Variants in RNF111 observed in about 807,000 individuals in gnomAD.
RNF111 encodes the protein ring finger protein 111.
In RNF111, 17 loss-of-function variants were observed where a neutral mutation model predicts 95.1. That is an observed-to-expected ratio of 0.18 (90% CI 0.12 to 0.27). RNF111 has a LOEUF of 0.27. Ranked by LOEUF, RNF111 falls within the 10% of genes least tolerant of loss-of-function variation. The pLI is 1.00. For missense variants in RNF111, 1,189 were observed against 1,210.4 expected (o/e 0.98, Z 0.26); for synonymous variants, 440 against 414.8 (o/e 1.06, Z -0.74).
At chr15:59,077,627 C>T (rs2078604562) in intron 7 of RNF111, among the ~76,000 whole-genome samples, 1 of 152,156 alleles carries the variant, frequency 6.6e-6, no homozygotes, top group Non-Finnish European at 1.5e-5. Context: ...TTAATACCCC[C>T]ATAATATCCA....
intron 2 of RNF111, among the ~76,000 whole-genome samples, chr15:59,039,001 G>T (rs1330143570): frequency 1.3e-5 from 2 of 152,140 alleles, no homozygotes; most frequent in African/African-American, 4.8e-5. Flanking sequence ...TTTCACTTTT[G>T]TTGCCCAGGC....
intron 1 of RNF111, among the ~76,000 whole-genome samples, chr15:59,004,344 A>G (rs1318241887): frequency 6.6e-6 from 1 of 152,224 alleles, no homozygotes; most frequent in Non-Finnish European, 1.5e-5. Context: ...AGATTGCAAA[A>G]AAGTATATAG....
intron 11 of RNF111, among the ~76,000 whole-genome samples, chr15:59,090,058 A>G (rs909973711): frequency 6.6e-6 from 1 of 152,210 alleles, no homozygotes; most frequent in Admixed American, 6.5e-5. Flanking sequence ...GTGGTGGGGA[A>G]CGGAATGTTT....
chr15:59,069,073 C>CAAAAAA, intron 6 of RNF111, among the ~76,000 whole-genome samples: 1 of 89,516 alleles, frequency 1.1e-5, no homozygotes, highest in Non-Finnish European at 2.3e-5. Context: ...GACTCCGTCT[C>CAAAAAA]AAAAAAAAAA....
intron 1 of RNF111, among the ~76,000 whole-genome samples, chr15:59,005,838 T>C (rs758889706): frequency 1.3e-5 from 2 of 152,240 alleles, no homozygotes; most frequent in African/African-American, 2.4e-5. Flanking sequence ...TGTTACTTTG[T>C]TTAATATTTA....
At position 59,007,237 on chromosome 15, in the gene RNF111, C is replaced by G. The variant is rs531357531; in HGVS notation, c.-20+19169C>G. On this transcript the variant is annotated intron_variant, in intron 1 of 13. Transcript: ENST00000348370. ...ATGCTCCTTCCTTGTCAGTCCTTTC[C>G]CCATCCCTTGAAGACACAACCAATG... Among the ~76,000 whole-genome samples the G allele has an allele frequency of 4.6e-5, 7 of 152,226 alleles. No individual in the cohort carries two copies. In the South Asian group the frequency reaches 1.5e-3, roughly 32 times the overall value.
intron 7 of RNF111, 73 bp downstream of exon 7, chr15:59,076,288 A>G (rs2043163127): frequency 1.3e-6 from 2 of 1,503,574 alleles, no homozygotes; most frequent in Admixed American, 1.9e-5. Flanking sequence ...TTATGAAATA[A>G]CCTTTAATCC....
chr15:59,045,796 T>G (rs2041680988), intron 2 of RNF111, among the ~76,000 whole-genome samples: 1 of 152,222 alleles, frequency 6.6e-6, no homozygotes, highest in Non-Finnish European at 1.5e-5. Flanking sequence ...CAAGGTTCCT[T>G]TTGTACTTCT....
intron 11 of RNF111, among the ~76,000 whole-genome samples, chr15:59,090,409 T>C (rs551804710): frequency 2.0e-5 from 3 of 152,318 alleles, no homozygotes; most frequent in Admixed American, 2.0e-4. Context: ...TTTGTATTTT[T>C]AGTAGAGATA....
At chr15:59,027,630 G>A (rs1320128864) in intron 1 of RNF111, among the ~76,000 whole-genome samples, 4 of 151,856 alleles carry the variant, frequency 2.6e-5, no homozygotes, top group African/African-American at 9.7e-5. Context: ...CTGGGTTCAA[G>A]CGATTCTGCT....
intron 1 of RNF111, among the ~76,000 whole-genome samples, chr15:59,012,501 G>T (rs1056148350): frequency 6.6e-6 from 1 of 152,150 alleles, no homozygotes; most frequent in African/African-American, 2.4e-5. Context: ...CTTTGTGTAC[G>T]TATTGACTAT....
At chr15:59,072,709 C>T (rs111959653) in intron 6 of RNF111, among the ~76,000 whole-genome samples, 1 of 151,964 alleles carries the variant, frequency 6.6e-6, no homozygotes, top group Non-Finnish European at 1.5e-5. Flanking sequence ...GCCTCAGCCT[C>T]CCAAAGTGCT....
At chr15:58,992,354 A>AT (rs1234583021) in intron 1 of RNF111, among the ~76,000 whole-genome samples, 8 of 152,094 alleles carry the variant, frequency 5.3e-5, no homozygotes, top group African/African-American at 1.9e-4. Context: ...AATGTCTGTT[A>AT]TTTTAAACAG....
At chr15:59,035,614 C>G (rs982166015) in intron 2 of RNF111, among the ~76,000 whole-genome samples, 6 of 152,210 alleles carry the variant, frequency 3.9e-5, no homozygotes, top group Non-Finnish European at 5.9e-5. Flanking sequence ...TTTTTATGCT[C>G]TGCTTCCTCT....
At chr15:59,025,813 C>T (rs1429131605) in intron 1 of RNF111, among the ~76,000 whole-genome samples, 1 of 152,006 alleles carries the variant, frequency 6.6e-6, no homozygotes, top group South Asian at 2.1e-4. Context: ...TCACCGCAAC[C>T]GCTGCCTTGC....
chr15:59,025,822 GC>G (rs2040576362), intron 1 of RNF111, among the ~76,000 whole-genome samples: 1 of 151,494 alleles, frequency 6.6e-6, no homozygotes, highest in African/African-American at 2.4e-5. Flanking sequence ...CCGCTGCCTT[GC>G]GGATTCAAGC....
At chr15:59,090,588 T>C (rs939173854) in intron 11 of RNF111, among the ~76,000 whole-genome samples, 3 of 152,220 alleles carry the variant, frequency 2.0e-5, no homozygotes, top group African/African-American at 7.2e-5. Flanking sequence ...TTAGAACTAT[T>C]GTTTGATTTG....
chr15:59,022,535 G>A (rs780638284), intron 1 of RNF111, among the ~76,000 whole-genome samples: 2 of 152,168 alleles, frequency 1.3e-5, no homozygotes, highest in Non-Finnish European at 2.9e-5. Context: ...AGACCAACAT[G>A]GAATGGAGGA....
At chr15:59,000,057 C>A (rs1237364037) in intron 1 of RNF111, among the ~76,000 whole-genome samples, 1 of 152,080 alleles carries the variant, frequency 6.6e-6, no homozygotes, top group East Asian at 1.9e-4. Context: ...ACACTTTGAC[C>A]TGAGATTTGG....
Sources: allele counts gnomAD v4.1 joint callset (sites outside exome capture counted in the v4.1 genomes callset), GRCh38; gene constraint gnomAD v4.1.1; transcripts MANE v1.5; gene names NCBI Gene and HGNC (gene_info 2026-07-23, HGNC 2026-07-21).